CFAP47: variants seen among roughly 807,000 people sequenced by gnomAD.
CFAP47 encodes the protein cilia- and flagella-associated protein 47.
CFAP47 carries 29 observed loss-of-function variants against 148.1 expected under a neutral mutation model. That is an observed-to-expected ratio of 0.20 (90% confidence interval 0.15 to 0.27). The LOEUF is 0.27. CFAP47 is among the 10% of genes least tolerant of loss of function. The pLI is 1.00. For missense variants in CFAP47, 1,872 were observed against 1,697.5 expected (o/e 1.10, Z -1.81); for synonymous variants, 664 against 577.3 (o/e 1.15, Z -2.15).
intron 45 of CFAP47, among the ~76,000 whole-genome samples, chrX:36,210,331 G>A (rs781874439): frequency 8.0e-5 from 9 of 111,919 alleles, no homozygotes; most frequent in Admixed American, 1.9e-4. Flanking sequence ...AACAGTGTAT[G>A]AGGATTCTAA....
chrX:36,119,652 G>A (rs1053744889), intron 33 of CFAP47, among the ~76,000 whole-genome samples: 2 of 111,573 alleles, frequency 1.8e-5, no homozygotes, highest in African/African-American at 6.5e-5. Context: ...TTCTTTAAGT[G>A]TTTGGTAGAA....
intron 60 of CFAP47, among the ~76,000 whole-genome samples, chrX:36,354,794 C>A (rs1941773124): frequency 9.0e-6 from 1 of 110,820 alleles, no homozygotes; most frequent in Admixed American, 9.7e-5. Context: ...CTGTGCTTGG[C>A]AAAGGGTCTT....
At chrX:36,054,476 A>G (rs1034736195) in intron 26 of CFAP47, among the ~76,000 whole-genome samples, 12 of 112,058 alleles carry the variant, frequency 1.1e-4, no homozygotes. Flanking sequence ...TGTTCAACTT[A>G]AAACCAACTT....
chrX:35,980,159 C>G (rs1258885594), intron 15 of CFAP47, among the ~76,000 whole-genome samples: 1 of 111,932 alleles, frequency 8.9e-6, no homozygotes, highest in African/African-American at 3.2e-5. Context: ...GGCTGAGGCC[C>G]AGTGTTCTCC....
intron 39 of CFAP47, among the ~76,000 whole-genome samples, chrX:36,174,012 A>G (rs1437805629): frequency 9.1e-6 from 1 of 110,134 alleles, no homozygotes; most frequent in African/African-American, 3.3e-5. Flanking sequence ...TATTTAGGAT[A>G]GTTAGCTCTT....
At chrX:36,059,749 T>A (rs1300838246) in intron 26 of CFAP47, among the ~76,000 whole-genome samples, 1 of 112,036 alleles carries the variant, frequency 8.9e-6, no homozygotes, top group Non-Finnish European at 1.9e-5. Context: ...TTTGCTATGA[T>A]TTGGATATGG....
At chrX:35,953,440 A>G (rs1189319579) in intron 6 of CFAP47, 152 bp from the exon 7 acceptor site, 18 of 397,684 alleles carry the variant, frequency 4.5e-5, no homozygotes, top group Non-Finnish European at 7.5e-5. Flanking sequence ...CTGGCTGTGC[A>G]GTAAATTTGG....
intron 22 of CFAP47, among the ~76,000 whole-genome samples, chrX:36,030,661 T>TA (rs1463509834): frequency 9.0e-6 from 1 of 110,957 alleles, no homozygotes; most frequent in Non-Finnish European, 1.9e-5. Flanking sequence ...AAGCTGGTGA[T>TA]ACCCTTTAGT....
At chrX:36,227,156 C>A (rs1291397760) in intron 45 of CFAP47, among the ~76,000 whole-genome samples, 1 of 111,053 alleles carries the variant, frequency 9.0e-6, no homozygotes, top group African/African-American at 3.3e-5. Flanking sequence ...ATAAAATGTG[C>A]CTGGAGTCCT....
intron 60 of CFAP47, among the ~76,000 whole-genome samples, chrX:36,356,553 TCTCTGCTTGA>T (rs1556018480): frequency 9.0e-6 from 1 of 111,095 alleles, no homozygotes; most frequent in Non-Finnish European, 1.9e-5. Flanking sequence ...TCTGTAATTC[TCTCTGCTTGA>T]CCCTCCTTTG....
At chrX:36,158,145 G>A (rs368741585) in intron 37 of CFAP47, among the ~76,000 whole-genome samples, 2 of 111,902 alleles carry the variant, frequency 1.8e-5, no homozygotes, top group African/African-American at 3.2e-5. Context: ...AAGTTCTGGC[G>A]CAATTAGGTC....
intron 39 of CFAP47, among the ~76,000 whole-genome samples, chrX:36,162,605 C>A (rs996549295): frequency 9.0e-6 from 1 of 111,153 alleles, no homozygotes; most frequent in South Asian, 3.7e-4. Flanking sequence ...AAGAATTGAT[C>A]ATGTTTTATC....
intron 57 of CFAP47, among the ~76,000 whole-genome samples, chrX:36,324,296 C>A (rs1330897497): frequency 1.8e-5 from 2 of 111,355 alleles, no homozygotes; most frequent in Non-Finnish European, 3.8e-5. Flanking sequence ...GCTGTAACAT[C>A]GTACTGGGTC....
chrX:36,157,347 G>A (rs745367770), intron 37 of CFAP47, among the ~76,000 whole-genome samples: 1 of 112,185 alleles, frequency 8.9e-6, no homozygotes, highest in African/African-American at 3.2e-5. Context: ...CTATGATTTC[G>A]CAGCTTGCTC....
At chrX:36,312,914 T>TC (rs1279639575) in intron 56 of CFAP47, among the ~76,000 whole-genome samples, 1 of 111,147 alleles carries the variant, frequency 9.0e-6, no homozygotes, top group Non-Finnish European at 1.9e-5. Context: ...TTTCTCTGTC[T>TC]CCCTATCCTA....
intron 60 of CFAP47, among the ~76,000 whole-genome samples, chrX:36,358,623 T>G (rs1204685945): frequency 8.9e-6 from 1 of 111,795 alleles, no homozygotes; most frequent in Non-Finnish European, 1.9e-5. Context: ...TTGTCTCCTG[T>G]TATTCTTAGA....
At chrX:36,007,047 T>C (rs1936989607) in intron 21 of CFAP47, among the ~76,000 whole-genome samples, 1 of 111,891 alleles carries the variant, frequency 8.9e-6, no homozygotes, top group Admixed American at 9.5e-5. Context: ...TTCCTGCTGC[T>C]ATGACCCAGG....
In CFAP47 at chrX:36,205,232, G is replaced by A. The variant is rs140731109; in HGVS notation, c.6817+122G>A. ...CAAAGTGTTCATAATATAATTGAAGGGTTTCAGTGAAGTAAATACCAATTA... is the reference window on the plus strand; with the variant it reads ...CAAAGTGTTCATAATATAATTGAAGAGTTTCAGTGAAGTAAATACCAATTA... On this transcript the variant is annotated intron_variant, in intron 45 of 63. Transcript: ENST00000378653. 2.5e-3 allele frequency: 699 copies of A among 284,221 alleles called. 1 individual carries two copies. The highest frequency in any genetic ancestry group is 0.018 in the African/African-American group (646 of 36,172). The allele number at this position is 284,221 out of a possible 1,213,427, so 23.4% of individuals were successfully genotyped here.
intron 21 of CFAP47, among the ~76,000 whole-genome samples, chrX:36,012,124 T>C (rs146934564): frequency 0.019 from 2,160 of 111,628 alleles, 22 homozygotes; most frequent in Non-Finnish European, 0.033. Flanking sequence ...AGATACTATC[T>C]GATGCCAGTC....
Sources: gnomAD v4.1 joint callset for allele counts (sites outside exome capture counted in the v4.1 genomes callset) on GRCh38, gnomAD v4.1.1 for gene constraint, MANE v1.5 for transcripts, NCBI Gene and HGNC (gene_info 2026-07-23, HGNC 2026-07-21) for gene names.